ADD1: variants seen among roughly 807,000 people sequenced by gnomAD.
ADD1 encodes alpha-adducin.
In ADD1, 24 loss-of-function variants were observed where a neutral mutation model predicts 80.5. The ratio of observed to expected loss-of-function variants is 0.30; its 90% CI spans 0.22 to 0.42. The LOEUF is 0.42. Ranked by LOEUF, ADD1 falls within the 10% of genes least tolerant of loss-of-function variation. ADD1 has a pLI of 1.00. For synonymous variants in ADD1, 373 were observed against 393.8 expected (o/e 0.95, Z 0.63); for missense variants, 948 against 1,019.0 (o/e 0.93, Z 0.95).
At chr4:2,890,825 G>A (rs1734190480) in intron 4 of ADD1, among the ~76,000 whole-genome samples, 1 of 151,954 alleles carries the variant, frequency 6.6e-6, no homozygotes, top group Non-Finnish European at 1.5e-5. Context: ...TTAAAATAAA[G>A]GCTTTTAAAG....
At chr4:2,891,383 G>A (rs1195401377) in intron 4 of ADD1, among the ~76,000 whole-genome samples, 1 of 152,010 alleles carries the variant, frequency 6.6e-6, no homozygotes, top group Admixed American at 6.6e-5. Flanking sequence ...GGAGGCAAAG[G>A]TTGTAGTGAG....
chr4:2,895,532 A>G (rs1157461837), intron 6 of ADD1, among the ~76,000 whole-genome samples: 1 of 152,068 alleles, frequency 6.6e-6, no homozygotes, highest in East Asian at 1.9e-4. Flanking sequence ...CTAGAAACCA[A>G]CCTGTCCAGC....
chr4:2,851,399 C>CT (rs750521760), intron 1 of ADD1, among the ~76,000 whole-genome samples: 1 of 152,186 alleles, frequency 6.6e-6, no homozygotes, highest in Non-Finnish European at 1.5e-5. Context: ...TGTCAGTGTG[C>CT]TTTCTTTCCT....
chr4:2,862,468 TAAAC>T (rs1019669307), intron 1 of ADD1, among the ~76,000 whole-genome samples: 36 of 152,244 alleles, frequency 2.4e-4, no homozygotes, highest in Admixed American at 6.5e-4. Context: ...AAGGAGATGA[TAAAC>T]AGACAGCCTT....
At chr4:2,883,627 A>T (rs1238560868) in intron 3 of ADD1, among the ~76,000 whole-genome samples, 1 of 151,540 alleles carries the variant, frequency 6.6e-6, no homozygotes, top group African/African-American at 2.4e-5. Context: ...TTGAACTCCT[A>T]GGCTTAAGGG....
chr4:2,924,810 G>A (rs1414032174), intron 14 of ADD1, among the ~76,000 whole-genome samples: 2 of 152,204 alleles, frequency 1.3e-5, no homozygotes, highest in African/African-American at 4.8e-5. Flanking sequence ...GCCTTAGAGC[G>A]AGAACTGGAG....
intron 14 of ADD1, among the ~76,000 whole-genome samples, chr4:2,924,444 C>T (rs1323692061): frequency 2.0e-5 from 3 of 152,214 alleles, no homozygotes; most frequent in African/African-American, 7.2e-5. Flanking sequence ...AGGCTCCCGC[C>T]AGCATCCTCA....
chr4:2,928,581 G>A lies in ADD1; in HGVS notation c.*58G>A. The A allele has an allele frequency of 6.5e-7, 1 of 1,548,724 alleles. No homozygotes were observed. Among genetic ancestry groups the A allele is most frequent in the Non-Finnish European group, 8.8e-7 (1 of 1,138,286 alleles). Reference sequence around the variant, plus strand: ...GACCCTGGCTCTGCCAGCGTCCCCGGCCACGTCTGTGCTCTGTCCTTGTGT... The same window carrying A: ...GACCCTGGCTCTGCCAGCGTCCCCGACCACGTCTGTGCTCTGTCCTTGTGT... On this transcript the variant is annotated 3_prime_UTR_variant, in exon 16 of 16. Transcript: ENST00000683351.
chr4:2,875,818 C>A, intron 1 of ADD1, 78 bp from the exon 2 acceptor site: 1 of 1,193,092 alleles, frequency 8.4e-7, no homozygotes, highest in Non-Finnish European at 1.2e-6. Context: ...ATTGTGTTTA[C>A]CAAGCTCATG....
intron 14 of ADD1, among the ~76,000 whole-genome samples, chr4:2,920,222 A>T (rs1021421919): frequency 6.6e-6 from 1 of 151,314 alleles, no homozygotes; most frequent in East Asian, 1.9e-4. Flanking sequence ...TATGATTTCC[A>T]TTCTCTTGCT....
chr4:2,847,235 C>G (rs1726371889), intron 1 of ADD1, among the ~76,000 whole-genome samples: 1 of 151,786 alleles, frequency 6.6e-6, no homozygotes, highest in Admixed American at 6.6e-5. Flanking sequence ...CCAGCCTGGA[C>G]AACAGTGAAA....
chr4:2,896,149 A>C (rs1171943409), intron 6 of ADD1, among the ~76,000 whole-genome samples: 1 of 151,750 alleles, frequency 6.6e-6, no homozygotes, highest in Non-Finnish European at 1.5e-5. Flanking sequence ...GGCCTCCCAA[A>C]GTGCTGGGAT....
chr4:2,902,391 C>T (rs769378947), intron 9 of ADD1: 1 of 151,926 alleles, frequency 6.6e-6, no homozygotes, highest in Non-Finnish European at 1.5e-5. Flanking sequence ...TTTCTGAGGA[C>T]AATTATGAAA....
chr4:2,844,505 A>G (rs1725880243), intron 1 of ADD1: 1 of 152,248 alleles, frequency 6.6e-6, no homozygotes, highest in Non-Finnish European at 1.5e-5. Flanking sequence ...CGGACGCTCG[A>G]GAGATAATCG....
chr4:2,863,733 T>G (rs929947218), intron 1 of ADD1, among the ~76,000 whole-genome samples: 1 of 151,990 alleles, frequency 6.6e-6, no homozygotes, highest in Non-Finnish European at 1.5e-5. Flanking sequence ...TTTGTTTTGT[T>G]TTGTTGTTTT....
chr4:2,869,420 G>A (rs1290854123), intron 1 of ADD1, among the ~76,000 whole-genome samples: 8 of 152,138 alleles, frequency 5.3e-5, no homozygotes, highest in South Asian at 2.1e-4. Context: ...CGCATTTTCC[G>A]TTTTATAAGG....
chr4:2,894,153 T>A, intron 5 of ADD1, 60 bp downstream of exon 5: 1 of 1,332,028 alleles, frequency 7.5e-7, no homozygotes, highest in Non-Finnish European at 1.1e-6. Flanking sequence ...TCATTCAACA[T>A]CTTCAGATCA....
intron 11 of ADD1, among the ~76,000 whole-genome samples, chr4:2,908,069 A>G (rs990332958): frequency 1.3e-5 from 2 of 152,196 alleles, no homozygotes; most frequent in African/African-American, 4.8e-5. Flanking sequence ...ATGTTTGCTC[A>G]CGATGTTTGC....
intron 5 of ADD1, 141 bp downstream of exon 5, chr4:2,894,234 C>T: frequency 1.4e-6 from 1 of 712,148 alleles, no homozygotes; most frequent in Non-Finnish European, 2.4e-6. Flanking sequence ...TAGAGAAAAA[C>T]CTTTGAGAGA....
Sources: allele counts gnomAD v4.1 joint callset (sites outside exome capture counted in the v4.1 genomes callset), GRCh38; gene constraint gnomAD v4.1.1; transcripts MANE v1.5; gene names NCBI Gene and HGNC (gene_info 2026-07-23, HGNC 2026-07-21).